The following NPAS3 variants were observed in gnomAD, a reference collection of about 807,000 sequenced individuals.
The protein encoded by NPAS3 is neuronal PAS domain protein 3.
A neutral mutation model predicts 73.1 loss-of-function variants in NPAS3; 14 were observed. The observed-to-expected ratio is 0.19, with a 90% CI of 0.13 to 0.30. The LOEUF is 0.30. Among genes scored for constraint, NPAS3 ranks in the 10% least tolerant of loss-of-function variants. The probability of loss-of-function intolerance (pLI) is 1.00; values close to 1 mark genes in which losing one functional copy is unlikely to be tolerated. For synonymous variants in NPAS3, 620 were observed against 541.5 expected (o/e 1.14, Z -2.01); for missense variants, 1,096 against 1,250.0 (o/e 0.88, Z 1.86).
At chr14:33,386,910 G>A (rs2046798176) in intron 4 of NPAS3, among the ~76,000 whole-genome samples, 1 of 151,868 alleles carries the variant, frequency 6.6e-6, no homozygotes. Flanking sequence ...TAGGCTCTTA[G>A]CATTAATGAC....
chr14:33,502,654 C>A (rs17101349), intron 4 of NPAS3, among the ~76,000 whole-genome samples: 1 of 151,712 alleles, frequency 6.6e-6, no homozygotes, highest in Non-Finnish European at 1.5e-5. Context: ...TCTTCTTCAA[C>A]GTAATCTTCT....
intron 6 of NPAS3, among the ~76,000 whole-genome samples, chr14:33,701,850 T>C (rs1044599920): frequency 2.0e-5 from 3 of 152,078 alleles, no homozygotes; most frequent in African/African-American, 7.2e-5. Flanking sequence ...TTAACCCAAA[T>C]TCTGTGTGCA....
At chr14:33,536,844 AG>A (rs1025975546) in intron 4 of NPAS3, among the ~76,000 whole-genome samples, 13 of 152,174 alleles carry the variant, frequency 8.5e-5, no homozygotes, top group Non-Finnish European at 1.9e-4. Flanking sequence ...ATAGGTCCAA[AG>A]GTTTGACTAA....
intron 4 of NPAS3, among the ~76,000 whole-genome samples, chr14:33,541,958 C>G (rs1029939528): frequency 6.6e-6 from 1 of 152,168 alleles, no homozygotes; most frequent in African/African-American, 2.4e-5. Context: ...ATAGACATCT[C>G]ACTGAGGCAG....
chr14:33,567,375 A>G (rs2056009757), intron 5 of NPAS3, among the ~76,000 whole-genome samples: 1 of 152,250 alleles, frequency 6.6e-6, no homozygotes, highest in Non-Finnish European at 1.5e-5. Flanking sequence ...AGGATTTATA[A>G]CAGCATTTTA....
chr14:33,498,929 AGAGAGAGT>A (rs1317245734), intron 4 of NPAS3, among the ~76,000 whole-genome samples: 5 of 100,204 alleles, frequency 5.0e-5, no homozygotes, highest in African/African-American at 1.4e-4. Context: ...AGAGAGACAG[AGAGAGAGT>A]GTGTGTGTGT....
chr14:33,527,550 A>T (rs1056822681), intron 4 of NPAS3, among the ~76,000 whole-genome samples: 4 of 152,178 alleles, frequency 2.6e-5, no homozygotes, highest in Admixed American at 6.5e-5. Flanking sequence ...CACGTACACA[A>T]ATGCACACCC....
At chr14:33,458,857 C>G (rs1437010556) in intron 4 of NPAS3, among the ~76,000 whole-genome samples, 1 of 152,148 alleles carries the variant, frequency 6.6e-6, no homozygotes, top group African/African-American at 2.4e-5. Flanking sequence ...CCGATCCAGA[C>G]CCCAAGAGAG....
chr14:33,713,638 C>T (rs1157900272), intron 6 of NPAS3, among the ~76,000 whole-genome samples: 1 of 151,930 alleles, frequency 6.6e-6, no homozygotes, highest in African/African-American at 2.4e-5. Flanking sequence ...CCTCATCTCA[C>T]TATTGTCACC....
intron 3 of NPAS3, among the ~76,000 whole-genome samples, chr14:33,267,563 A>G (rs1171621742): frequency 1.3e-5 from 2 of 152,206 alleles, no homozygotes; most frequent in African/African-American, 2.4e-5. Flanking sequence ...TTTTTCCCCT[A>G]TATGCCTTTA....
chr14:33,332,844 A>T (rs1444164239), intron 3 of NPAS3, among the ~76,000 whole-genome samples: 1 of 152,218 alleles, frequency 6.6e-6, no homozygotes, highest in Non-Finnish European at 1.5e-5. Context: ...TCTCAGAAAT[A>T]ACAACAAAAA....
At chr14:33,365,318 C>A (rs2045793310) in intron 3 of NPAS3, among the ~76,000 whole-genome samples, 1 of 151,528 alleles carries the variant, frequency 6.6e-6, no homozygotes. Flanking sequence ...AGCAAGACAG[C>A]TGCATTATCA....
chr14:33,786,742 C>G (rs1034185406), intron 9 of NPAS3, among the ~76,000 whole-genome samples: 6 of 152,192 alleles, frequency 3.9e-5, no homozygotes, highest in African/African-American at 1.4e-4. Flanking sequence ...AGTGAATAAA[C>G]TTTTTCAACA....
At chr14:33,746,357 T>G (rs994453627) in intron 7 of NPAS3, among the ~76,000 whole-genome samples, 1 of 151,616 alleles carries the variant, frequency 6.6e-6, no homozygotes, top group East Asian at 1.9e-4. Flanking sequence ...CCCGGCTAGT[T>G]TTTGTGTTTT....
intron 2 of NPAS3, among the ~76,000 whole-genome samples, chr14:33,113,253 T>A (rs1378799790): frequency 6.6e-6 from 1 of 152,200 alleles, no homozygotes; most frequent in African/African-American, 2.4e-5. Flanking sequence ...ATAAATTATC[T>A]TGGGTAGTAT....
intron 4 of NPAS3, among the ~76,000 whole-genome samples, chr14:33,439,912 G>A (rs913337473): frequency 4.6e-5 from 7 of 151,938 alleles, no homozygotes; most frequent in Non-Finnish European, 8.8e-5. Flanking sequence ...TCAGGAGATC[G>A]AGACCATCCT....
intron 2 of NPAS3, among the ~76,000 whole-genome samples, chr14:33,186,753 A>G (rs1453386624): frequency 6.6e-6 from 1 of 152,078 alleles, no homozygotes; most frequent in African/African-American, 2.4e-5. Context: ...TTTTTTGTTT[A>G]GTGTGTCCAG....
At chr14:32,943,665 T>G (rs1417746372) in intron 1 of NPAS3, among the ~76,000 whole-genome samples, 1 of 150,546 alleles carries the variant, frequency 6.6e-6, no homozygotes, top group East Asian at 1.9e-4. Context: ...GGGGATTTCT[T>G]TTTTGTTTCT....
At chr14:33,142,183 T>A (rs2044072353) in intron 2 of NPAS3, among the ~76,000 whole-genome samples, 1 of 141,678 alleles carries the variant, frequency 7.1e-6, no homozygotes, top group Non-Finnish European at 1.5e-5. Flanking sequence ...TATTTTAATT[T>A]GTATAAGCTT....
Sources: gnomAD v4.1 joint callset for allele counts (sites outside exome capture counted in the v4.1 genomes callset) on GRCh38, gnomAD v4.1.1 for gene constraint, MANE v1.5 for transcripts, NCBI Gene and HGNC (gene_info 2026-07-23, HGNC 2026-07-21) for gene names.